The following HSCB variants were observed in gnomAD, a reference collection of about 807,000 sequenced individuals.
HSCB encodes the protein iron-sulfur cluster co-chaperone protein HscB.
HSCB carries 23 observed loss-of-function variants against 31.3 expected under a neutral mutation model. The ratio of observed to expected loss-of-function variants is 0.74; its 90% CI spans 0.53 to 1.04. The LOEUF (loss-of-function observed/expected upper bound fraction) is 1.04. Ranked by LOEUF, HSCB falls within the 50% of genes least tolerant of loss-of-function variation. The pLI is 0.00. For synonymous variants in HSCB, 110 were observed against 104.5 expected (o/e 1.05, Z -0.32); for missense variants, 297 against 288.1 (o/e 1.03, Z -0.22).
rs757388246 is a variant in HSCB, at chr22:28,757,115, G to T, written c.654G>T (p.Met218Ile). The T allele has an allele frequency of 1.2e-4, 195 of 1,570,286 alleles. 1 individual carries two copies. The highest frequency in any genetic ancestry group is 1.6e-4 in the Non-Finnish European group (187 of 1,140,692). ...AAGCCAAGGAAATTTTGACAAAGAT[G>T]AGATACTTTTCAAATATAGAAGAAA... is the stretch of plus-strand genomic sequence containing the variant. Reference protein sequence around the residue: ...FEEAKEILTKMRYFSNIEEKI... With the variant: ...FEEAKEILTKIRYFSNIEEKI... Residue 218 changes from methionine to isoleucine, a missense_variant, in exon 6 of 6, where the codon ATG becomes ATT. Coordinates refer to ENST00000216027, the MANE Select transcript of HSCB (RefSeq NM_172002.5).
chr22:28,742,187 C>T lies in HSCB; in HGVS notation c.92C>T (p.Ala31Val), dbSNP rs149123430. 16 of 1,613,756 alleles carry T rather than the reference C, an allele frequency of 9.9e-6. No homozygotes were observed. In the African/African-American group the frequency reaches 1.7e-4, roughly 17 times the overall value. The change falls in exon 1 of 6, where the codon GCG becomes GTG. Residue 31 changes from alanine to valine, a missense_variant. Ala to Val is a moderately conservative substitution (Grantham distance 64, BLOSUM62 0). Transcript: ENST00000216027. ...PRRRPLSCDAASQAGSNYPRC... is the reference protein window; with the variant it reads ...PRRRPLSCDAVSQAGSNYPRC... ...AGGAGACCGCTAAGCTGCGATGCTG[C>T]GTCGCAGGCGGGAAGCAATTATCCC...
chr22:28,742,444 G>T (rs1176481671), intron 1 of HSCB, 113 bp downstream of exon 1: 8 of 1,483,120 alleles, frequency 5.4e-6, no homozygotes, highest in African/African-American at 2.8e-5. Context: ...CTGATGGGGG[G>T]GCGGAGGTCT....
chr22:28,755,073 C>T lies in HSCB; in HGVS notation c.617-2005C>T, dbSNP rs1285570587. 2.1e-5 allele frequency among the ~76,000 whole-genome samples: 3 copies of T among 145,940 alleles called. 1 individual carries two copies. Among genetic ancestry groups the T allele is most frequent in the South Asian group, 4.7e-4 (2 of 4,296 alleles). Reference sequence around the variant, plus strand: ...CCTCCCAAAGTGCTGGGATTACAGGCGTGAGCCACCGCGCCTGGCCCTAAA... The same window carrying T: ...CCTCCCAAAGTGCTGGGATTACAGGTGTGAGCCACCGCGCCTGGCCCTAAA... On this transcript the variant is annotated intron_variant, in intron 5 of 5. Transcript: ENST00000216027.
chr22:28,746,648 C>T (rs560624819), intron 4 of HSCB, among the ~76,000 whole-genome samples: 1 of 151,992 alleles, frequency 6.6e-6, no homozygotes, highest in African/African-American at 2.4e-5. Flanking sequence ...GCCTGTAATC[C>T]CAGCACTTTG....
intron 2 of HSCB, among the ~76,000 whole-genome samples, 182 bp from the exon 3 acceptor site, chr22:28,744,433 T>G (rs76833005): frequency 0.013 from 1,907 of 152,232 alleles, 46 homozygotes; most frequent in African/African-American, 0.044. Flanking sequence ...ATGCTTGTAG[T>G]CCCAGCTTCT....
intron 5 of HSCB, among the ~76,000 whole-genome samples, chr22:28,753,916 C>T (rs977647565): frequency 1.3e-5 from 2 of 151,492 alleles, no homozygotes; most frequent in Non-Finnish European, 2.9e-5. Context: ...AGGCCAAGGT[C>T]GGCAGATCAC....
At chr22:28,756,708 G>A (rs1197686991) in intron 5 of HSCB, among the ~76,000 whole-genome samples, 3 of 151,550 alleles carry the variant, frequency 2.0e-5, no homozygotes, top group Non-Finnish European at 4.4e-5. Flanking sequence ...TGCCCAGGCT[G>A]GTCTTCAATT....
intron 4 of HSCB, among the ~76,000 whole-genome samples, chr22:28,750,426 C>A (rs1346679281): frequency 6.6e-6 from 1 of 152,028 alleles, no homozygotes; most frequent in Admixed American, 6.6e-5. Context: ...ATTTTAGGGT[C>A]AGGGCTTAAG....
At chr22:28,750,968 T>G (rs972239698) in intron 4 of HSCB, among the ~76,000 whole-genome samples, 4 of 148,154 alleles carry the variant, frequency 2.7e-5, no homozygotes, top group Non-Finnish European at 4.5e-5. Flanking sequence ...TTTTTTTTTT[T>G]TACTGATTCT....
chr22:28,746,597 C>G (rs561324018), intron 4 of HSCB, among the ~76,000 whole-genome samples: 5 of 150,866 alleles, frequency 3.3e-5, no homozygotes, highest in Non-Finnish European at 5.9e-5. Context: ...TAAAAAAATA[C>G]AAAAAAATCA....
intron 4 of HSCB, among the ~76,000 whole-genome samples, chr22:28,749,102 T>C (rs2030042507): frequency 6.6e-6 from 1 of 151,776 alleles, no homozygotes; most frequent in South Asian, 2.1e-4. Context: ...GTTTGCACCA[T>C]TGCACTCCAG....
chr22:28,743,778 CTTATATG>C (rs1569182778), intron 1 of HSCB, 97 bp from the exon 2 acceptor site: 2 of 928,630 alleles, frequency 2.2e-6, no homozygotes, highest in East Asian at 4.9e-5. Context: ...AAATTAACTG[CTTATATG>C]TTATTGCATC....
Position 28,742,115 on chromosome 22 carries a change from G to A in HSCB, c.20G>A (p.Gly7Glu). Residue 7 changes from glycine (G) to glutamate (E), a missense_variant, in exon 1 of 6, where the codon GGG becomes GAG. Coordinates refer to ENST00000216027, the MANE Select transcript of HSCB (RefSeq NM_172002.5). The part of the protein sequence containing the change: MWRGRA[G>E]ALLRVWGFWP... The stretch of plus-strand genomic sequence containing the variant: ...GGCCAGATGTGGCGGGGGAGAGCCG[G>A]GGCTTTGCTCCGGGTGTGGGGGTTT... The A allele has an allele frequency of 1.2e-6, 2 of 1,602,302 alleles. No homozygotes were observed. Among genetic ancestry groups the A allele is most frequent in the South Asian group, 1.1e-5 (1 of 90,238 alleles).
intron 4 of HSCB, among the ~76,000 whole-genome samples, chr22:28,748,855 A>G (rs943955792): frequency 3.3e-5 from 5 of 151,914 alleles, no homozygotes; most frequent in East Asian, 1.9e-4. Flanking sequence ...CCTTATTTCA[A>G]TTGACCAGGT....
At chr22:28,743,852 T>C in intron 1 of HSCB, 30 bp from the exon 2 acceptor site, 1 of 1,563,558 alleles carries the variant, frequency 6.4e-7, no homozygotes, top group Non-Finnish European at 8.8e-7. Context: ...ATATTTGTTG[T>C]ATAAATTTAA....
intron 4 of HSCB, among the ~76,000 whole-genome samples, chr22:28,747,690 A>G (rs893912002): frequency 1.6e-4 from 24 of 152,172 alleles, no homozygotes; most frequent in Admixed American, 1.4e-3. Flanking sequence ...AAAGATTCCA[A>G]GGTTCTCCGT....
chr22:28,743,777 G>T, intron 1 of HSCB, 105 bp from the exon 2 acceptor site: 4 of 913,310 alleles, frequency 4.4e-6, no homozygotes, highest in African/African-American at 1.6e-5. Context: ...GAAATTAACT[G>T]CTTATATGTT....
At chr22:28,754,139 A>G (rs1044814794) in intron 5 of HSCB, among the ~76,000 whole-genome samples, 2 of 109,444 alleles carry the variant, frequency 1.8e-5, no homozygotes, top group African/African-American at 7.5e-5. Context: ...CTCAAAAACA[A>G]ACAAACAAAA....
chr22:28,742,603 C>G, intron 1 of HSCB: 3 of 436,512 alleles, frequency 6.9e-6, no homozygotes, highest in South Asian at 4.0e-5. Flanking sequence ...GGGGCCGAGG[C>G]TAGAGGGGAG....
Sources: allele counts gnomAD v4.1 joint callset (sites outside exome capture counted in the v4.1 genomes callset), GRCh38; gene constraint gnomAD v4.1.1; transcripts MANE v1.5; gene names NCBI Gene and HGNC (gene_info 2026-07-23, HGNC 2026-07-21).